KANK1: variants seen among roughly 807,000 people sequenced by gnomAD.
KANK1 encodes KN motif and ankyrin repeat domains 1.
KANK1 carries 109 observed loss-of-function variants against 106.2 expected under a neutral mutation model. The ratio of observed to expected loss-of-function variants is 1.03; its 90% CI spans 0.88 to 1.20. The LOEUF (loss-of-function observed/expected upper bound fraction) is 1.20. KANK1 is among the 50% of genes most tolerant of loss of function. KANK1 has a pLI of 0.00. For synonymous variants in KANK1, 873 were observed against 652.2 expected, an observed-to-expected ratio of 1.34 and a Z score of -5.16; for missense variants, 2,399 against 1,710.7, an observed-to-expected ratio of 1.40 and a Z score of -7.10.
chr9:618,789 C>A (rs533964915), intron 1 of KANK1, among the ~76,000 whole-genome samples: 86 of 152,234 alleles, frequency 5.6e-4, no homozygotes, highest in African/African-American at 2.0e-3. Flanking sequence ...AGCTCCTGCA[C>A]ACTGGGTGAA....
At chr9:632,215 G>A (rs1835907891) in intron 1 of KANK1, among the ~76,000 whole-genome samples, 1 of 152,036 alleles carries the variant, frequency 6.6e-6, no homozygotes, top group South Asian at 2.1e-4. Context: ...TCAGATATTG[G>A]CAGCCAGCTT....
chr9:509,885 C>G (rs2058950946), intron 1 of KANK1, among the ~76,000 whole-genome samples: 1 of 152,188 alleles, frequency 6.6e-6, no homozygotes, highest in South Asian at 2.1e-4. Context: ...TAACCGTGAA[C>G]TGCTGGGCCC....
intron 2 of KANK1, among the ~76,000 whole-genome samples, chr9:685,881 T>G (rs934545466): frequency 5.3e-5 from 8 of 152,202 alleles, no homozygotes; most frequent in African/African-American, 1.9e-4. Flanking sequence ...GTGAAAACAT[T>G]GATTCAGCTT....
chr9:685,469 A>T (rs1818364113), intron 2 of KANK1: 1 of 152,184 alleles, frequency 6.6e-6, no homozygotes, highest in African/African-American at 2.4e-5. Flanking sequence ...GCTAAGGGAC[A>T]AATTGTTGGA....
chr9:738,344 C>A lies in KANK1; in HGVS notation c.3393C>A (p.Ala1131=). 1 of 1,614,154 alleles carries A rather than the reference C, an allele frequency of 6.2e-7. No homozygotes were observed. Among genetic ancestry groups the A allele is most frequent in the Non-Finnish European group, 8.5e-7 (1 of 1,180,018 alleles). Residue 1131 remains alanine, a synonymous_variant, in exon 8 of 12, where the codon GCC becomes GCA. Transcript: ENST00000382297. ...EWFRVSSQKS[A]IPAMVGDYIA... is the part of the protein sequence containing the mutation. ...TCCGCGTGTCCAGTCAGAAGTCAGC[C>A]ATTCCAGCCATGGTGGGGGACTACA...
chr9:687,100 T>A (rs925165345), intron 2 of KANK1, among the ~76,000 whole-genome samples: 2 of 152,140 alleles, frequency 1.3e-5, no homozygotes, highest in Non-Finnish European at 2.9e-5. Flanking sequence ...AGGAATGTTA[T>A]GAAACTCCAT....
At chr9:517,778 A>G (rs1587435919) in intron 1 of KANK1, among the ~76,000 whole-genome samples, 1 of 140,712 alleles carries the variant, frequency 7.1e-6, no homozygotes, top group East Asian at 2.1e-4. Context: ...TCGCTCTGTC[A>G]CCCAGGTTGG....
chr9:570,822 A>T (rs185853350), intron 1 of KANK1, among the ~76,000 whole-genome samples: 1 of 152,306 alleles, frequency 6.6e-6, no homozygotes, highest in Admixed American at 6.5e-5. Flanking sequence ...GTTTTTCATG[A>T]GACTTTCTAA....
chr9:568,201 C>G (rs962868392), intron 1 of KANK1, among the ~76,000 whole-genome samples: 3 of 152,268 alleles, frequency 2.0e-5, no homozygotes, highest in South Asian at 4.1e-4. Flanking sequence ...AAATCAACTT[C>G]TCAAGATTTT....
chr9:519,823 C>G (rs558463443), intron 1 of KANK1, among the ~76,000 whole-genome samples: 1 of 151,838 alleles, frequency 6.6e-6, no homozygotes, highest in East Asian at 1.9e-4. Context: ...ACAAACAAGT[C>G]ATTTAGATTT....
At chr9:651,896 A>T (rs1840959299) in intron 1 of KANK1, among the ~76,000 whole-genome samples, 1 of 152,234 alleles carries the variant, frequency 6.6e-6, no homozygotes, top group Admixed American at 6.5e-5. Flanking sequence ...TCCCATGATA[A>T]AAAACTAAAG....
intron 1 of KANK1, among the ~76,000 whole-genome samples, chr9:617,220 T>C (rs1832060644): frequency 6.6e-6 from 1 of 152,192 alleles, no homozygotes; most frequent in African/African-American, 2.4e-5. Context: ...TCCAGTTCTT[T>C]TGGCAGTGGT....
intron 1 of KANK1, among the ~76,000 whole-genome samples, chr9:536,723 T>G (rs1469887249): frequency 1.3e-5 from 2 of 152,214 alleles, no homozygotes; most frequent in African/African-American, 4.8e-5. Context: ...TTAATCTTAA[T>G]GCCGTCTGCA....
At chr9:684,587 A>G (rs995588977) in intron 2 of KANK1, 2 of 985,162 alleles carry the variant, frequency 2.0e-6, no homozygotes, top group African/African-American at 3.5e-5. Flanking sequence ...GAGTATTGGC[A>G]TTTATTTCTG....
intron 3 of KANK1, among the ~76,000 whole-genome samples, chr9:474,826 G>A (rs776358197): frequency 6.6e-6 from 1 of 152,174 alleles, no homozygotes; most frequent in Non-Finnish European, 1.5e-5. Context: ...AGGCCATCTA[G>A]ACTTTCCCTG....
Position 652,101 on chromosome 9 carries a change from C to G in KANK1, c.-83-24789C>G, listed in dbSNP as rs184417467. ...CATTATCCATTAGAATGTGTAGGCCCTATTTTCTTCATCTCACAGATTCAT... is the reference window on the plus strand; with the variant it reads ...CATTATCCATTAGAATGTGTAGGCCGTATTTTCTTCATCTCACAGATTCAT... On this transcript the variant is annotated intron_variant, in intron 1 of 11. Transcript: ENST00000382297. Among the ~76,000 whole-genome samples, 630 of 152,226 alleles carry G rather than the reference C, an allele frequency of 4.1e-3. 2 individuals carry two copies. The highest frequency in any genetic ancestry group is 0.014 in the African/African-American group (593 of 41,510).
At chr9:732,735 G>T in intron 6 of KANK1, 118 bp downstream of exon 6, 2 of 1,134,276 alleles carry the variant, frequency 1.8e-6, no homozygotes, top group Non-Finnish European at 2.5e-6. Flanking sequence ...TTCCTCAGAG[G>T]TATACACATC....
At chr9:497,859 C>CCA (rs879669985) in intron 3 of KANK1, among the ~76,000 whole-genome samples, 36 of 144,440 alleles carry the variant, frequency 2.5e-4, no homozygotes, top group Non-Finnish European at 4.6e-4. Flanking sequence ...TATTAACCCC[C>CCA]CACACACACA....
intron 1 of KANK1, among the ~76,000 whole-genome samples, chr9:643,581 C>G (rs1438094284): frequency 1.7e-5 from 2 of 119,634 alleles, no homozygotes; most frequent in Non-Finnish European, 3.2e-5. Flanking sequence ...GATAGGGTCT[C>G]TCTGTGTTGC....
Sources: allele counts gnomAD v4.1 joint callset (sites outside exome capture counted in the v4.1 genomes callset), GRCh38; gene constraint gnomAD v4.1.1; transcripts MANE v1.5; gene names NCBI Gene and HGNC (gene_info 2026-07-23, HGNC 2026-07-21).